FAM169A: variants seen among roughly 807,000 people sequenced by gnomAD.
FAM169A encodes family with sequence similarity 169 member A, also known as soluble lamin-associated protein of 75 kDa.
Under a neutral mutation model 75.7 loss-of-function variants are expected in FAM169A, and 24 were observed. The observed-to-expected ratio is 0.32, with a 90% CI of 0.23 to 0.45. FAM169A has a LOEUF of 0.45. Among genes scored for constraint, FAM169A ranks in the 20% least tolerant of loss-of-function variants. FAM169A has a pLI of 1.00. For missense variants in FAM169A, 673 were observed against 784.0 expected, an observed-to-expected ratio of 0.86 and a Z score of 1.69; for synonymous variants, 271 against 271.0, an observed-to-expected ratio of 1.00 and a Z score of 0.00.
intron 11 of FAM169A, among the ~76,000 whole-genome samples, chr5:74,791,806 C>T (rs1373444807): frequency 6.6e-6 from 1 of 152,230 alleles, no homozygotes; most frequent in African/African-American, 2.4e-5. Context: ...CACTAAGGTG[C>T]TTGCTGAAGG....
At chr5:74,818,041 A>G (rs1747560470) in intron 5 of FAM169A, among the ~76,000 whole-genome samples, 1 of 152,206 alleles carries the variant, frequency 6.6e-6, no homozygotes, top group African/African-American at 2.4e-5. Flanking sequence ...AAGATCTAAA[A>G]CTACTCAAAT....
chr5:74,783,635 G>A (rs181902291), intron 11 of FAM169A, among the ~76,000 whole-genome samples: 2 of 152,268 alleles, frequency 1.3e-5, no homozygotes, highest in Admixed American at 6.5e-5. Context: ...TTTGGGTGCT[G>A]CATCTTGCTG....
At chr5:74,846,106 AATTGT>A (rs1374175935) in intron 1 of FAM169A, among the ~76,000 whole-genome samples, 2 of 152,202 alleles carry the variant, frequency 1.3e-5, no homozygotes, top group African/African-American at 4.8e-5. Context: ...CAAATATCCA[AATTGT>A]ATCAAAGACT....
chr5:74,809,101 A>C (rs1193111994), intron 6 of FAM169A, among the ~76,000 whole-genome samples: 1 of 152,224 alleles, frequency 6.6e-6, no homozygotes, highest in African/African-American at 2.4e-5. Context: ...TAGAACACTG[A>C]TAAATACTTC....
At chr5:74,800,222 A>G in intron 10 of FAM169A, 1 of 225,294 alleles carries the variant, frequency 4.4e-6, no homozygotes, top group Admixed American at 5.4e-5. Context: ...TGAATATAAA[A>G]TTGGTGAAAA....
In FAM169A at chr5:74,781,801, C is replaced by T. The variant is rs769257239; in HGVS notation, c.1672G>A (p.Glu558Lys). The change falls in exon 13 of 13, where the codon GAG (glutamate) becomes AAG (lysine). Residue 558 changes from glutamate to lysine, a missense_variant. This residue lies in a region of FAM169A where 510 missense variants were observed against 550.9 expected (regional missense o/e 0.93). Coordinates refer to ENST00000687041, the MANE Select transcript of FAM169A (RefSeq NM_001376049.1). ...IAEFSEEPVSENLSPNTTSSL... is the reference protein window; with the variant it reads ...IAEFSEEPVSKNLSPNTTSSL... ...GAAGTAGTATTAGGAGACAAATTCTCAGAGACCGGTTCTTCGGAAAATTCA... is the reference window on the plus strand; with the variant it reads ...GAAGTAGTATTAGGAGACAAATTCTTAGAGACCGGTTCTTCGGAAAATTCA... 2 of 1,614,056 alleles carry T rather than the reference C, an allele frequency of 1.2e-6. No individual in the cohort carries two copies. Among genetic ancestry groups the T allele is most frequent in the Admixed American group, 3.3e-5 (2 of 60,012 alleles).
intron 11 of FAM169A, among the ~76,000 whole-genome samples, chr5:74,786,172 C>T (rs573230978): frequency 6.6e-6 from 1 of 152,226 alleles, no homozygotes; most frequent in Non-Finnish European, 1.5e-5. Context: ...AGCTTCAGGA[C>T]TCAGACTGGC....
intron 10 of FAM169A, chr5:74,799,846 A>T (rs1234991019): frequency 1.9e-6 from 2 of 1,030,194 alleles, no homozygotes; most frequent in Non-Finnish European, 3.1e-6. Context: ...TTTGTCTCCA[A>T]GTTAGACATT....
chr5:74,827,037 T>C (rs1383347753), intron 5 of FAM169A, among the ~76,000 whole-genome samples: 4 of 152,148 alleles, frequency 2.6e-5, no homozygotes, highest in Admixed American at 2.6e-4. Context: ...ACTGAGATCA[T>C]AAATTTTGGG....
chr5:74,809,744 T>G (rs1747077174), intron 6 of FAM169A, among the ~76,000 whole-genome samples: 1 of 152,212 alleles, frequency 6.6e-6, no homozygotes, highest in Non-Finnish European at 1.5e-5. Context: ...TCAAAAATCT[T>G]TAGTCTTCAG....
intron 5 of FAM169A, among the ~76,000 whole-genome samples, chr5:74,833,352 T>C (rs75178816): frequency 2.0e-4 from 30 of 152,340 alleles, no homozygotes; most frequent in African/African-American, 7.2e-4. Flanking sequence ...TCTCCTCATG[T>C]ATAATCAGTA....
At chr5:74,839,195 T>C in intron 3 of FAM169A, 145 bp from the exon 4 acceptor site, 1 of 621,030 alleles carries the variant, frequency 1.6e-6, no homozygotes, top group Non-Finnish European at 2.8e-6. Flanking sequence ...TATTGTACTT[T>C]GTAGCCTCAT....
At chr5:74,787,040 GGACTA>G (rs1561287098) in intron 11 of FAM169A, among the ~76,000 whole-genome samples, 1 of 152,126 alleles carries the variant, frequency 6.6e-6, no homozygotes, top group Non-Finnish European at 1.5e-5. Context: ...ACCTATAACT[GGACTA>G]AAGTCCCGGT....
intron 1 of FAM169A, chr5:74,848,695 C>T (rs569628597): frequency 6.6e-6 from 1 of 152,168 alleles, no homozygotes; most frequent in African/African-American, 2.4e-5. Flanking sequence ...ATCCTAAAGA[C>T]CTTTTCACCT....
chr5:74,806,259 C>G (rs1034937882), intron 6 of FAM169A, among the ~76,000 whole-genome samples: 1 of 152,112 alleles, frequency 6.6e-6, no homozygotes, highest in African/African-American at 2.4e-5. Flanking sequence ...ACCACACGTA[C>G]ACTACAACTT....
intron 5 of FAM169A, among the ~76,000 whole-genome samples, chr5:74,814,779 A>T (rs1241944978): frequency 6.6e-6 from 1 of 152,250 alleles, no homozygotes; most frequent in African/African-American, 2.4e-5. Context: ...TAGATGTATT[A>T]ACTCCTTTAA....
intron 1 of FAM169A, among the ~76,000 whole-genome samples, chr5:74,851,256 G>T (rs961188346): frequency 1.3e-5 from 2 of 152,292 alleles, no homozygotes; most frequent in Middle Eastern, 3.4e-3. Context: ...AGCTCACTTC[G>T]TAGTGCAGTC....
intron 5 of FAM169A, among the ~76,000 whole-genome samples, chr5:74,833,761 G>T (rs992947733): frequency 6.6e-6 from 1 of 152,192 alleles, no homozygotes; most frequent in South Asian, 2.1e-4. Context: ...GGTGTGGATT[G>T]TATGTGTACA....
intron 6 of FAM169A, among the ~76,000 whole-genome samples, chr5:74,806,944 T>C (rs999701548): frequency 3.3e-5 from 5 of 151,828 alleles, no homozygotes; most frequent in Admixed American, 2.6e-4. Context: ...AGATAAGATA[T>C]GATTTTCACA....
Sources: gnomAD v4.1 joint callset for allele counts (sites outside exome capture counted in the v4.1 genomes callset) on GRCh38, gnomAD v4.1.1 for gene constraint, gnomAD v4.1.1 regional missense constraint, MANE v1.5 for transcripts, NCBI Gene and HGNC (gene_info 2026-07-23, HGNC 2026-07-21) for gene names.